Variants in LOC128092252 observed in about 807,000 individuals in gnomAD.
At chr15:50,663,642 G>A in the LOC128092252 span, among the ~76,000 whole-genome samples, 2 of 152,054 alleles carry the variant, frequency 1.3e-5, no homozygotes, top group African/African-American at 4.8e-5. Context: ...CCTTAAGAGG[G>A]GCTGGTATTA....
the LOC128092252 span, among the ~76,000 whole-genome samples, chr15:50,679,257 C>G: frequency 6.6e-6 from 1 of 150,960 alleles, no homozygotes; most frequent in Non-Finnish European, 1.5e-5. Flanking sequence ...ATCACTTGAG[C>G]CTAGGAGGTT....
At chr15:50,662,343 TA>T in the LOC128092252 span, among the ~76,000 whole-genome samples, 1 of 147,396 alleles carries the variant, frequency 6.8e-6, no homozygotes, top group Non-Finnish European at 1.5e-5. Flanking sequence ...AAAAAAAAGG[TA>T]AAAAGAATAA....
chr15:50,686,543 G>A, the LOC128092252 span: 1 of 1,610,844 alleles, frequency 6.2e-7, no homozygotes, highest in East Asian at 2.3e-5. Context: ...TTCTCCTCAC[G>A]GGGCGGACTC....
At chr15:50,684,959 GATA>G in the LOC128092252 span, among the ~76,000 whole-genome samples, 25 of 152,304 alleles carry the variant, frequency 1.6e-4, no homozygotes, top group Middle Eastern at 3.4e-3. Flanking sequence ...TTTTAGGCAT[GATA>G]ATAATATTGT....
chr15:50,668,771 G>C, the LOC128092252 span, among the ~76,000 whole-genome samples: 1 of 152,160 alleles, frequency 6.6e-6, no homozygotes, highest in Non-Finnish European at 1.5e-5. Context: ...GCCTCCCAAA[G>C]TGCTGGGATT....
chr15:50,669,963 G>A, the LOC128092252 span, among the ~76,000 whole-genome samples: 8 of 152,246 alleles, frequency 5.3e-5, no homozygotes, highest in South Asian at 1.7e-3. Flanking sequence ...GGAATACATT[G>A]CTGTTGTACT....
the LOC128092252 span, chr15:50,662,935 G>T: frequency 1.3e-6 from 2 of 1,491,230 alleles, no homozygotes; most frequent in Non-Finnish European, 1.8e-6. Context: ...AAAATTTCTA[G>T]AAGACCCCAG....
the LOC128092252 span, among the ~76,000 whole-genome samples, chr15:50,663,519 T>C: frequency 6.6e-6 from 1 of 152,144 alleles, no homozygotes; most frequent in East Asian, 1.9e-4. Context: ...ATAATTCCAT[T>C]TAAATCCCAA....
At chr15:50,653,353 A>G in the LOC128092252 span, among the ~76,000 whole-genome samples, 1 of 152,234 alleles carries the variant, frequency 6.6e-6, no homozygotes, top group Non-Finnish European at 1.5e-5. Flanking sequence ...TCAGCAAACT[A>G]GGAAAGGAGG....
the LOC128092252 span, among the ~76,000 whole-genome samples, chr15:50,667,649 G>C: frequency 6.6e-6 from 1 of 152,244 alleles, no homozygotes; most frequent in Non-Finnish European, 1.5e-5. Flanking sequence ...GGAGGTAACA[G>C]TGAGCCAAGA....
At chr15:50,651,817 G>T in the LOC128092252 span, among the ~76,000 whole-genome samples, 4 of 152,058 alleles carry the variant, frequency 2.6e-5, no homozygotes, top group Non-Finnish European at 5.9e-5. Flanking sequence ...AACCCAGGAG[G>T]TGGGGGTTGC....
chr15:50,682,306 G>A, the LOC128092252 span, among the ~76,000 whole-genome samples: 1 of 151,608 alleles, frequency 6.6e-6, no homozygotes, highest in Non-Finnish European at 1.5e-5. Flanking sequence ...ACCCCTACGT[G>A]GACAGAAAAC....
At chr15:50,683,090 C>A in the LOC128092252 span, among the ~76,000 whole-genome samples, 1 of 151,610 alleles carries the variant, frequency 6.6e-6, no homozygotes, top group Admixed American at 6.6e-5. Context: ...GTTTCGCCAT[C>A]TTTCCCAGGC....
At chr15:50,680,770 G>A in the LOC128092252 span, among the ~76,000 whole-genome samples, 5 of 151,972 alleles carry the variant, frequency 3.3e-5, no homozygotes, top group Admixed American at 1.3e-4. Flanking sequence ...TGTCATCTGA[G>A]GTCTTACAAA....
At chr15:50,679,521 T>TAC in the LOC128092252 span, among the ~76,000 whole-genome samples, 196 of 22,098 alleles carry the variant, frequency 8.9e-3, 1 homozygote, top group African/African-American at 0.024. Context: ...AATATATATA[T>TAC]ATATATATAT....
chr15:50,655,736 G>A, the LOC128092252 span, among the ~76,000 whole-genome samples: 1 of 152,112 alleles, frequency 6.6e-6, no homozygotes, highest in African/African-American at 2.4e-5. Context: ...AACAGCTCAC[G>A]CCTGGAATTC....
At chr15:50,675,444 C>G in the LOC128092252 span, among the ~76,000 whole-genome samples, 2 of 152,090 alleles carry the variant, frequency 1.3e-5, no homozygotes, top group African/African-American at 4.8e-5. Flanking sequence ...ATGTAACAGC[C>G]AAATGTACAT....
chr15:50,652,525 C>CA, the LOC128092252 span, among the ~76,000 whole-genome samples: 11,486 of 127,976 alleles, frequency 0.09, 545 homozygotes, highest in South Asian at 0.13. Flanking sequence ...GACTCTGTCT[C>CA]AAAAAAAAAA....
At chr15:50,659,424 A>T in the LOC128092252 span, among the ~76,000 whole-genome samples, 1 of 152,200 alleles carries the variant, frequency 6.6e-6, no homozygotes, top group Admixed American at 6.5e-5. Flanking sequence ...TTTCACTTAC[A>T]GCATTTGGTA....
Sources: allele counts gnomAD v4.1 joint callset (sites outside exome capture counted in the v4.1 genomes callset), GRCh38; gene constraint gnomAD v4.1.1; transcripts MANE v1.5.